PROX1: variants seen among roughly 807,000 people sequenced by gnomAD.
The protein encoded by PROX1 is prospero homeobox protein 1.
A neutral mutation model predicts 58.8 loss-of-function variants in PROX1; 7 were observed. The observed-to-expected ratio is 0.12, with a 90% CI of 0.07 to 0.22. The LOEUF is 0.22. PROX1 is among the 10% of genes least tolerant of loss of function. The pLI, the probability that PROX1 is intolerant of heterozygous loss-of-function variation, is 1.00. For missense variants in PROX1, 675 were observed against 927.8 expected (o/e 0.73, Z 3.54); for synonymous variants, 350 against 358.3 (o/e 0.98, Z 0.26).
chr1:214,010,862 C>A (rs1354962401), intron 3 of PROX1, among the ~76,000 whole-genome samples: 1 of 152,146 alleles, frequency 6.6e-6, no homozygotes, highest in Non-Finnish European at 1.5e-5. Flanking sequence ...GGGTCTTATC[C>A]AATGCTGGCT....
rs570985667 is a variant in PROX1 at position 214,029,298 on chromosome 1, T to C, written c.2029-6351T>C. The C allele has an allele frequency of 6.6e-5, 10 of 152,286 alleles. No homozygotes were observed. In the South Asian group the frequency reaches 2.1e-3, roughly 32 times the overall value. 9.4% of individuals were successfully genotyped at this position (152,286 alleles called of 1,614,324 possible). A position where few individuals can be genotyped will look rare whatever the true frequency, so the allele number is the denominator to read the frequency against. On this transcript the variant is annotated intron_variant, in intron 4 of 4. Coordinates refer to ENST00000366958, the MANE Select transcript of PROX1 (RefSeq NM_001270616.2). ...GACACTTCGAAGTCATCTAGAAAAA[T>C]ACCTCGCTATGTATGATTGGTACAT...
chr1:214,010,098 C>A (rs755316664), intron 3 of PROX1, among the ~76,000 whole-genome samples: 4 of 152,088 alleles, frequency 2.6e-5, no homozygotes, highest in Non-Finnish European at 5.9e-5. Context: ...GGGTTCCCCG[C>A]GAGGCTGAAT....
chr1:214,007,475 T>C (rs1175564804), intron 3 of PROX1, among the ~76,000 whole-genome samples: 4 of 152,240 alleles, frequency 2.6e-5, no homozygotes, highest in Non-Finnish European at 5.9e-5. Flanking sequence ...GTTTTTTCTT[T>C]GGTTAGTAAT....
chr1:214,010,349 A>G (rs1048832213), intron 3 of PROX1, among the ~76,000 whole-genome samples: 1 of 152,160 alleles, frequency 6.6e-6, no homozygotes, highest in Non-Finnish European at 1.5e-5. Context: ...TCATTCATTT[A>G]TTATCTTTGC....
intron 1 of PROX1, among the ~76,000 whole-genome samples, chr1:213,993,547 CT>C (rs1663113317): frequency 6.6e-6 from 1 of 152,076 alleles, no homozygotes; most frequent in Non-Finnish European, 1.5e-5. Context: ...AGTACATTTT[CT>C]TATGTGGTAA....
chr1:214,010,707 C>A (rs1159742236), intron 3 of PROX1, among the ~76,000 whole-genome samples: 3 of 152,148 alleles, frequency 2.0e-5, no homozygotes, highest in Non-Finnish European at 4.4e-5. Context: ...CATCAGGAAA[C>A]CTTGGTAAAC....
At chr1:214,019,591 C>A (rs1664211138) in intron 4 of PROX1, among the ~76,000 whole-genome samples, 1 of 152,190 alleles carries the variant, frequency 6.6e-6, no homozygotes, top group Non-Finnish European at 1.5e-5. Flanking sequence ...ACCCTCAGGG[C>A]AGCAGCCGTC....
intron 4 of PROX1, among the ~76,000 whole-genome samples, 193 bp downstream of exon 4, chr1:214,011,908 A>AT (rs555056302): frequency 1.1e-3 from 173 of 152,154 alleles, no homozygotes; most frequent in African/African-American, 3.9e-3. Context: ...ACCCACTGCC[A>AT]TTTTTTCCCC....
chr1:214,026,797 C>T (rs557120184), intron 4 of PROX1, among the ~76,000 whole-genome samples: 1 of 152,112 alleles, frequency 6.6e-6, no homozygotes, highest in Admixed American at 6.5e-5. Flanking sequence ...GGGGTTTGGC[C>T]GGTAGCAGCC....
chr1:214,012,122 AAT>A (rs2102732647), intron 4 of PROX1, among the ~76,000 whole-genome samples: 1 of 152,326 alleles, frequency 6.6e-6, no homozygotes, highest in South Asian at 2.1e-4. Context: ...GGTAGCTACC[AAT>A]GTTATTTTCT....
At chr1:214,029,742 G>T (rs1313213880) in intron 4 of PROX1, 1 of 152,166 alleles carries the variant, frequency 6.6e-6, no homozygotes, top group South Asian at 2.1e-4. Context: ...CCTCTTGAAT[G>T]CAGTTGACTT....
chr1:214,035,026 T>C (rs1664783895), intron 4 of PROX1, among the ~76,000 whole-genome samples: 1 of 152,212 alleles, frequency 6.6e-6, no homozygotes, highest in Admixed American at 6.5e-5. Flanking sequence ...GTTTCTGATG[T>C]AATATTTTAG....
chr1:214,008,997 T>G (rs534697134), intron 3 of PROX1, among the ~76,000 whole-genome samples: 2 of 152,332 alleles, frequency 1.3e-5, no homozygotes, highest in African/African-American at 4.8e-5. Context: ...CTGATTTTAA[T>G]GTACAAACTA....
intron 1 of PROX1, among the ~76,000 whole-genome samples, chr1:213,992,541 A>C (rs1360180508): frequency 6.6e-6 from 1 of 152,128 alleles, no homozygotes; most frequent in African/African-American, 2.4e-5. Context: ...ATCCTATTTG[A>C]AATTTCATAA....
intron 1 of PROX1, chr1:213,988,838 G>A (rs942958612): frequency 3.3e-5 from 5 of 152,200 alleles, no homozygotes; most frequent in African/African-American, 4.8e-5. Context: ...GTCACCTTTT[G>A]TGTACTGTTT....
intron 3 of PROX1, among the ~76,000 whole-genome samples, chr1:214,008,199 G>A (rs1282531092): frequency 6.6e-6 from 1 of 152,016 alleles, no homozygotes; most frequent in African/African-American, 2.4e-5. Flanking sequence ...TTACAGGAAT[G>A]TGCCACCACG....
At chr1:213,984,563 C>T (rs1369438085), upstream of PROX1, 2 of 152,338 alleles carry the variant, frequency 1.3e-5, no homozygotes, top group African/African-American at 4.8e-5. Flanking sequence ...CACTTCCCCC[C>T]CATTCAGAAC....
intron 1 of PROX1, among the ~76,000 whole-genome samples, chr1:213,996,258 T>G (rs80292146): frequency 1.3e-5 from 2 of 150,854 alleles, no homozygotes; most frequent in Non-Finnish European, 3.0e-5. Context: ...TTTTGCTTAA[T>G]TTTTTTTTAA....
upstream of PROX1, chr1:213,985,598 T>C (rs1662805222): frequency 6.6e-6 from 1 of 152,230 alleles, no homozygotes; most frequent in Non-Finnish European, 1.5e-5. Flanking sequence ...AGAGCTTCCT[T>C]GTTCGGCAAG....
Sources: allele counts gnomAD v4.1 joint callset (sites outside exome capture counted in the v4.1 genomes callset), GRCh38; gene constraint gnomAD v4.1.1; transcripts MANE v1.5; gene names NCBI Gene and HGNC (gene_info 2026-07-23, HGNC 2026-07-21).